ZBTB7A: variants seen among roughly 807,000 people sequenced by gnomAD.
The protein encoded by ZBTB7A is zinc finger and BTB domain-containing protein 7A.
ZBTB7A carries 7 observed loss-of-function variants against 26.7 expected under a neutral mutation model. The ratio of observed to expected loss-of-function variants is 0.26; its 90% confidence interval spans 0.15 to 0.49. The LOEUF (loss-of-function observed/expected upper bound fraction) is 0.49. Ranked by LOEUF, ZBTB7A falls within the 20% of genes least tolerant of loss-of-function variation. The pLI is 0.98. For synonymous variants in ZBTB7A, 452 were observed against 441.0 expected (o/e 1.02, Z -0.31); for missense variants, 617 against 919.5 (o/e 0.67, Z 4.25).
chr19:4,052,946 G>A lies in ZBTB7A; in HGVS notation c.1262+1025C>T, dbSNP rs570126334. ...TCAGGTTCCGGCAAGGCCTGTCCCC[G>A]GCGCCTAGAACAGGCCTGGCACCAG... On this transcript the variant is annotated intron_variant, in intron 2 of 2. Coordinates refer to ENST00000322357, the MANE Select transcript of ZBTB7A (RefSeq NM_015898.4). The surrounding 1 kb of genome is among the most constrained non-coding windows in gnomAD (Gnocchi z 4.9). Among the ~76,000 whole-genome samples the A allele has an allele frequency of 8.5e-5, 13 of 152,254 alleles. No individual in the cohort carries two copies. The South Asian group carries it at 1.9e-3, about 22-fold the overall frequency.
At chr19:4,051,533 C>T (rs921110962) in intron 2 of ZBTB7A, among the ~76,000 whole-genome samples, 4 of 152,218 alleles carry the variant, frequency 2.6e-5, no homozygotes, top group Non-Finnish European at 5.9e-5. Context: ...AGGCCTGGCC[C>T]TTGGCAACCA....
chr19:4,048,855 A>T lies in ZBTB7A; in HGVS notation c.1263-611T>A, dbSNP rs1317980439. Reference sequence around the variant, plus strand: ...TTAAGAGCGAAACTCCGTCTCAAAAAACAAATCTGCCAGGCGTGGTGGCGC... The same window carrying T: ...TTAAGAGCGAAACTCCGTCTCAAAATACAAATCTGCCAGGCGTGGTGGCGC... On this transcript the variant is annotated intron_variant, in intron 2 of 2. Transcript: ENST00000322357. This position sits in a 1 kb window ranked among gnomAD's most constrained non-coding sequence, Gnocchi z 6.7. Among the ~76,000 whole-genome samples, 1 of 151,474 alleles carries T rather than the reference A, an allele frequency of 6.6e-6. No homozygotes were observed. The highest frequency in any genetic ancestry group is 1.5e-5 in the Non-Finnish European group (1 of 67,864).
At position 4,052,910 on chromosome 19, in the gene ZBTB7A, C is replaced by T. The variant is rs1387336076; in HGVS notation, c.1262+1061G>A. Among the ~76,000 whole-genome samples, 3 of 152,206 alleles carry T rather than the reference C, an allele frequency of 2.0e-5. No homozygotes were observed. The East Asian group carries it at 5.8e-4, about 29-fold the overall frequency. ...TGGAACGCCCTTTCCCACAGCTGCT[C>T]CTCCCCTCCTTCAGGTTCCGGCAAG... On this transcript the variant is annotated intron_variant, in intron 2 of 2. Coordinates refer to ENST00000322357, the MANE Select transcript of ZBTB7A (RefSeq NM_015898.4). This position sits in a 1 kb window ranked among gnomAD's most constrained non-coding sequence, Gnocchi z 4.9.
rs1431879932 is a variant in ZBTB7A, at chr19:4,054,981, C to T, written c.252G>A (p.Ala84=). The T allele has an allele frequency of 1.9e-6, 3 of 1,611,750 alleles. No individual in the cohort carries two copies. The highest frequency in any genetic ancestry group is 1.3e-5 in the African/African-American group (1 of 74,980). Residue 84 remains alanine, a synonymous_variant, in exon 2 of 3, where the codon GCG becomes GCA. Coordinates refer to ENST00000322357, the MANE Select transcript of ZBTB7A (RefSeq NM_015898.4). ...AGGCGAAGTCCATGAGCGCGGTGAGCGCCTCGGCGCTGACGAAGTCGATCT... is the reference window on the plus strand; with the variant it reads ...AGGCGAAGTCCATGAGCGCGGTGAGTGCCTCGGCGCTGACGAAGTCGATCT... ...VYEIDFVSAE[A]LTALMDFAYT...
At chr19:4,059,094 G>A (rs1400018010) in intron 1 of ZBTB7A, among the ~76,000 whole-genome samples, 1 of 152,202 alleles carries the variant, frequency 6.6e-6, no homozygotes, top group Non-Finnish European at 1.5e-5. Flanking sequence ...TCTGGCCCTG[G>A]GCCGCGGGGA....
rs924784188 is a variant in ZBTB7A, at chr19:4,054,388, G to A, written c.845C>T (p.Ser282Leu). ...CGGCTCGGGGGCCGCCTCCGACAGC[G>A]AGGCGGCCTCCTCCTCTCCGCCGCG... is the stretch of plus-strand genomic sequence containing the variant. ...YGRGGEEEAA[S>L]LSEAAPEPGD... The change falls in exon 2 of 3, where the codon TCG becomes TTG. Residue 282 changes from serine to leucine, a missense_variant. Coordinates refer to ENST00000322357, the MANE Select transcript of ZBTB7A (RefSeq NM_015898.4). The A allele has an allele frequency of 6.3e-6, 9 of 1,418,030 alleles. No homozygotes were observed. Among genetic ancestry groups the A allele is most frequent in the Non-Finnish European group, 8.2e-6 (9 of 1,098,646 alleles). The allele number at this position is 1,418,030 out of a possible 1,614,324, so 87.8% of individuals were successfully genotyped here.
At chr19:4,059,862 G>A (rs1287527306) in intron 1 of ZBTB7A, among the ~76,000 whole-genome samples, 2 of 152,282 alleles carry the variant, frequency 1.3e-5, no homozygotes, top group African/African-American at 2.4e-5. Flanking sequence ...GAGCACCCCC[G>A]GCGGGGGCCA....
chr19:4,066,516 C>A (rs903833335), intron 1 of ZBTB7A, among the ~76,000 whole-genome samples, 166 bp downstream of exon 1: 8 of 151,868 alleles, frequency 5.3e-5, no homozygotes, highest in Admixed American at 5.2e-4. Flanking sequence ...ATCCAGGGCG[C>A]CTCCAGCCTC....
intron 1 of ZBTB7A, among the ~76,000 whole-genome samples, chr19:4,065,006 TC>T (rs1342088536): frequency 6.6e-6 from 1 of 151,418 alleles, no homozygotes; most frequent in East Asian, 2.0e-4. Flanking sequence ...CACCCGCTCC[TC>T]CGCTCCGCTC....
intron 1 of ZBTB7A, among the ~76,000 whole-genome samples, chr19:4,064,505 TG>T (rs1286636897): frequency 1.3e-5 from 2 of 152,238 alleles, no homozygotes; most frequent in Non-Finnish European, 2.9e-5. Flanking sequence ...TGGCCTGGCC[TG>T]GGCCCCTGCC....
At chr19:4,050,032 T>TCAGCC (rs1277114349) in intron 2 of ZBTB7A, among the ~76,000 whole-genome samples, 5 of 152,322 alleles carry the variant, frequency 3.3e-5, no homozygotes, top group Non-Finnish European at 5.9e-5. Context: ...CAAGCAATTC[T>TCAGCC]TCTGCCTCAG....
chr19:4,049,693 C>CG (rs1453453003), intron 2 of ZBTB7A, among the ~76,000 whole-genome samples: 1 of 152,182 alleles, frequency 6.6e-6, no homozygotes, highest in Non-Finnish European at 1.5e-5. Context: ...CACCCCACGA[C>CG]ACCCAGGACT....
chr19:4,048,277 T>G lies in ZBTB7A; in HGVS notation c.1263-33A>C. Reference sequence around the variant, plus strand: ...CGGGGCACGGGGCGGGCACGGTCAGTGGGGCCGGGGACCCCCGATCCCCGC... The same window carrying G: ...CGGGGCACGGGGCGGGCACGGTCAGGGGGGCCGGGGACCCCCGATCCCCGC... On this transcript the variant is annotated intron_variant, in intron 2 of 2. Transcript: ENST00000322357. The surrounding 1 kb of genome is among the most constrained non-coding windows in gnomAD (Gnocchi z 6.7). 1 of 1,540,596 alleles carries G rather than the reference T, an allele frequency of 6.5e-7. No homozygotes were observed. The highest frequency in any genetic ancestry group is 8.7e-7 in the Non-Finnish European group (1 of 1,152,800).
rs2040416487 is a variant in ZBTB7A, at chr19:4,046,360, T to G, written c.*1392A>C. 1 of 284,414 alleles carries G rather than the reference T, an allele frequency of 3.5e-6. No homozygotes were observed. Among genetic ancestry groups the G allele is most frequent in the Non-Finnish European group, 6.5e-6 (1 of 154,946 alleles). The allele number at this position is 284,414 out of a possible 1,614,324, so 17.6% of individuals were successfully genotyped here. ...GTGGTGGGTTTTTTTTTTTATTATT[T>G]TGTACAAAAATAAATCGACTTTTAG... is the stretch of plus-strand genomic sequence containing the variant. On this transcript the variant is annotated 3_prime_UTR_variant, in exon 3 of 3. Transcript: ENST00000322357.
Position 4,054,602 on chromosome 19 carries a change from C to T in ZBTB7A, c.631G>A (p.Ala211Thr), listed in dbSNP as rs1391666318. The change falls in exon 2 of 3, where the codon GCG (alanine) becomes ACG (threonine). Residue 211 changes from alanine to threonine, a missense_variant. Ala to Thr is a moderately conservative substitution (Grantham distance 58). Around this residue, in one of 5 missense-constraint regions of ZBTB7A, gnomAD observed 331 missense variants for 391.3 expected, o/e 0.85. Transcript: ENST00000322357. ...AVAAAVAAVA[A>T]GDCNGLDFYG... is the part of the protein sequence containing the mutation. ...AAGTCTAAGCCGTTGCAGTCGCCCGCGGCCACGGCGGCCACAGCGGCGGCC... is the reference window on the plus strand; with the variant it reads ...AAGTCTAAGCCGTTGCAGTCGCCCGTGGCCACGGCGGCCACAGCGGCGGCC... 10 of 1,578,724 alleles carry T rather than the reference C, an allele frequency of 6.3e-6. No homozygotes were observed. The highest frequency in any genetic ancestry group is 4.0e-5 in the African/African-American group (3 of 74,082).
chr19:4,066,693 G>T lies in ZBTB7A; in HGVS notation c.-27C>A. On this transcript the variant is annotated 5_prime_UTR_variant, in exon 1 of 3. Transcript: ENST00000322357. ...GGGCGCTGACTTACCTCGCGGGGCC[G>T]GGCCGGGGCGCGCGGGGCCGGGGCC... 6.6e-6 allele frequency: 1 copy of T among 151,162 alleles called. No homozygotes were observed. The highest frequency in any genetic ancestry group is 1.9e-4 in the South Asian group (1 of 5,294). The allele number at this position is 151,162 out of a possible 1,614,324, so 9.4% of individuals were successfully genotyped here. A position where few individuals can be genotyped will look rare whatever the true frequency, so the allele number is the denominator to read the frequency against.
At position 4,046,432 on chromosome 19, in the gene ZBTB7A, C is replaced by CTTTTTTTTTTTT. The variant is rs10535792; in HGVS notation, c.*1308_*1319dup. On this transcript the variant is annotated 3_prime_UTR_variant, in exon 3 of 3. Coordinates refer to ENST00000322357, the MANE Select transcript of ZBTB7A (RefSeq NM_015898.4). ...TCTCTCTCGCTCTCTCTCTCGCTCG[C>CTTTTTTTTTTTT]TTTTTTTTTTTTTTTTTGTCTTTTC... The CTTTTTTTTTTTT allele has an allele frequency of 2.5e-5, 3 of 118,110 alleles. No homozygotes were observed. 7.3% of individuals were successfully genotyped at this position (118,110 alleles called of 1,614,324 possible).
Position 4,043,837 on chromosome 19 carries a change from A to T in ZBTB7A, c.*3915T>A, listed in dbSNP as rs975723424. ...GCCCCTGACCCGTCCTGCGCCAGCC[A>T]CCCACCACCCCCCCCCCCCCACCTC... On this transcript the variant is annotated 3_prime_UTR_variant, in exon 3 of 3. Coordinates refer to ENST00000322357, the MANE Select transcript of ZBTB7A (RefSeq NM_015898.4). Among the ~76,000 whole-genome samples, 3 of 12,500 alleles carry T rather than the reference A, an allele frequency of 2.4e-4. No individual in the cohort carries two copies. The highest frequency in any genetic ancestry group is 7.1e-4 in the African/African-American group (2 of 2,834). 8.2% of individuals were successfully genotyped at this position (12,500 alleles called of 152,430 possible).
Position 4,045,617 on chromosome 19 carries a change from T to A in ZBTB7A, c.*2135A>T, listed in dbSNP as rs1466860282. 4.8e-6 allele frequency: 1 copy of A among 208,104 alleles called. No individual in the cohort carries two copies. Among genetic ancestry groups the A allele is most frequent in the African/African-American group, 7.5e-5 (1 of 13,274 alleles). The allele number at this position is 208,104 out of a possible 1,614,324, so 12.9% of individuals were successfully genotyped here. Reference sequence around the variant, plus strand: ...TGTGTGTGTCACAGAGAAGGGGGTATGGGGGGGTCGGGGGCAGGGAGACAC... The same window carrying A: ...TGTGTGTGTCACAGAGAAGGGGGTAAGGGGGGGTCGGGGGCAGGGAGACAC... On this transcript the variant is annotated 3_prime_UTR_variant, in exon 3 of 3. Coordinates refer to ENST00000322357, the MANE Select transcript of ZBTB7A (RefSeq NM_015898.4). This position sits in a 1 kb window ranked among gnomAD's most constrained non-coding sequence, Gnocchi z 4.1.
Sources: allele counts gnomAD v4.1 joint callset (sites outside exome capture counted in the v4.1 genomes callset), GRCh38; gene constraint gnomAD v4.1.1; regional missense constraint gnomAD v4.1.1; non-coding constraint Gnocchi (gnomAD v3.1); transcripts MANE v1.5; gene names NCBI Gene and HGNC (gene_info 2026-07-23, HGNC 2026-07-21).